TGS1: variants seen among roughly 807,000 people sequenced by gnomAD.
TGS1 encodes the protein trimethylguanosine synthase.
A neutral mutation model predicts 92.2 loss-of-function variants in TGS1; 69 were observed. The observed-to-expected ratio is 0.75, with a 90% CI of 0.62 to 0.91. TGS1 has a LOEUF of 0.91. TGS1 is among the 40% of genes least tolerant of loss of function. TGS1 has a pLI of 0.00. For missense variants in TGS1, 1,062 were observed against 1,001.2 expected (o/e 1.06, Z -0.82); for synonymous variants, 345 against 338.1 (o/e 1.02, Z -0.22).
At chr8:55,815,222 C>G (rs1803443697) in intron 12 of TGS1, among the ~76,000 whole-genome samples, 2 of 152,056 alleles carry the variant, frequency 1.3e-5, no homozygotes, top group Admixed American at 6.6e-5. Flanking sequence ...CAAAAACTTT[C>G]CAGAATTGGA....
chr8:55,781,478 A>G (rs552388244), intron 1 of TGS1, among the ~76,000 whole-genome samples: 4 of 152,330 alleles, frequency 2.6e-5, no homozygotes, highest in African/African-American at 4.8e-5. Context: ...ACACATTTAC[A>G]TATTTGCTCA....
At chr8:55,782,092 A>G (rs1811580554) in intron 1 of TGS1, among the ~76,000 whole-genome samples, 1 of 152,204 alleles carries the variant, frequency 6.6e-6, no homozygotes, top group African/African-American at 2.4e-5. Flanking sequence ...AATTTAGAGA[A>G]CACCCCATTG....
chr8:55,818,438 G>A (rs977988496), intron 12 of TGS1, among the ~76,000 whole-genome samples: 3 of 152,282 alleles, frequency 2.0e-5, no homozygotes, highest in African/African-American at 2.4e-5. Flanking sequence ...CAGCCACCAC[G>A]CCCAGCCTGA....
At chr8:55,793,303 G>A (rs543707528) in intron 6 of TGS1, among the ~76,000 whole-genome samples, 60 of 152,172 alleles carry the variant, frequency 3.9e-4, no homozygotes, top group Non-Finnish European at 6.5e-4. Flanking sequence ...GAGAGGCTGG[G>A]CAATATAGGG....
intron 8 of TGS1, among the ~76,000 whole-genome samples, chr8:55,800,483 T>G (rs1016666595): frequency 2.6e-5 from 4 of 152,236 alleles, no homozygotes; most frequent in African/African-American, 9.6e-5. Flanking sequence ...CCCATTTTCC[T>G]GCACTATCCC....
chr8:55,810,582 A>G (rs1803312274), intron 10 of TGS1, among the ~76,000 whole-genome samples: 1 of 152,212 alleles, frequency 6.6e-6, no homozygotes, highest in South Asian at 2.1e-4. Context: ...GTGGCCACAT[A>G]TTTGGCACTC....
intron 1 of TGS1, among the ~76,000 whole-genome samples, chr8:55,779,623 C>A (rs1472681183): frequency 6.6e-6 from 1 of 152,124 alleles, no homozygotes; most frequent in Non-Finnish European, 1.5e-5. Context: ...ACAGTATGAT[C>A]GGGTACTGAT....
intron 5 of TGS1, 105 bp downstream of exon 5, chr8:55,790,404 AT>A (rs1811847099): frequency 2.7e-6 from 2 of 743,544 alleles, no homozygotes; most frequent in Non-Finnish European, 4.6e-6. Context: ...ACCAGTAATC[AT>A]GTAAGAAGAG....
intron 4 of TGS1, among the ~76,000 whole-genome samples, chr8:55,788,299 T>G (rs1321081116): frequency 6.6e-6 from 1 of 152,206 alleles, no homozygotes; most frequent in Non-Finnish European, 1.5e-5. Context: ...TTTGCTTTGC[T>G]TATCTCAGAT....
rs1008226699 is a variant in TGS1, at chr8:55,773,465, G to C, written c.-154G>C. On this transcript the variant is annotated 5_prime_UTR_variant, in exon 1 of 13. Coordinates refer to ENST00000260129, the MANE Select transcript of TGS1 (RefSeq NM_024831.8). Reference sequence around the variant, plus strand: ...GGAGCCACTTCCGGCGGCAGCGTCCGGGCTAGTTCCCGGCGCGAGCGGCCG... The same window carrying C: ...GGAGCCACTTCCGGCGGCAGCGTCCCGGCTAGTTCCCGGCGCGAGCGGCCG... 2 of 534,940 alleles carry C rather than the reference G, an allele frequency of 3.7e-6. No homozygotes were observed. The highest frequency in any genetic ancestry group is 6.4e-6 in the Non-Finnish European group (2 of 312,346). The allele number at this position is 534,940 out of a possible 1,614,324, so 33.1% of individuals were successfully genotyped here. A position where few individuals can be genotyped will look rare whatever the true frequency, so the allele number is the denominator to read the frequency against.
At chr8:55,821,573 A>G (rs972034912) in intron 12 of TGS1, among the ~76,000 whole-genome samples, 3 of 152,144 alleles carry the variant, frequency 2.0e-5, no homozygotes, top group African/African-American at 7.2e-5. Flanking sequence ...TATGGCTTAT[A>G]TAAGAAATAA....
Position 55,786,902 on chromosome 8 carries a change from A to G in TGS1, c.1004A>G (p.Gln335Arg). The change falls in exon 4 of 13, where the codon CAA becomes CGA. Residue 335 changes from glutamine to arginine, a missense_variant. Coordinates refer to ENST00000260129, the MANE Select transcript of TGS1 (RefSeq NM_024831.8). ...AATTCAGAGGAAGTAACACAGAGCCAATTAGATTCCTGTACAAGTCATGAT... is the reference window on the plus strand; with the variant it reads ...AATTCAGAGGAAGTAACACAGAGCCGATTAGATTCCTGTACAAGTCATGAT... ...KLNSEEVTQS[Q>R]LDSCTSHDGH... 1.2e-6 allele frequency: 2 copies of G among 1,614,186 alleles called. No individual in the cohort carries two copies. Among genetic ancestry groups the G allele is most frequent in the East Asian group, 4.5e-5 (2 of 44,880 alleles).
intron 1 of TGS1, among the ~76,000 whole-genome samples, chr8:55,778,560 T>C (rs1194821594): frequency 6.6e-6 from 1 of 152,208 alleles, no homozygotes; most frequent in Non-Finnish European, 1.5e-5. Context: ...TGATCTCTAG[T>C]CTTTCATATA....
At chr8:55,815,326 T>C (rs1393609723) in intron 12 of TGS1, among the ~76,000 whole-genome samples, 3 of 152,006 alleles carry the variant, frequency 2.0e-5, no homozygotes, top group Non-Finnish European at 4.4e-5. Context: ...AGTGTATTAA[T>C]TTTTTTTGCT....
intron 1 of TGS1, among the ~76,000 whole-genome samples, chr8:55,775,724 G>A (rs1034310136): frequency 6.6e-6 from 1 of 151,754 alleles, no homozygotes. Context: ...TTGATTTGGA[G>A]CGCTGGAGAA....
intron 1 of TGS1, among the ~76,000 whole-genome samples, chr8:55,776,526 G>A (rs544129307): frequency 9.9e-5 from 15 of 152,044 alleles, no homozygotes; most frequent in South Asian, 4.1e-4. Context: ...TGATCCACCC[G>A]CCTTGGCCTC....
intron 6 of TGS1, 118 bp downstream of exon 6, chr8:55,792,902 C>T: frequency 1.5e-6 from 1 of 678,088 alleles, no homozygotes; most frequent in East Asian, 2.7e-5. Context: ...ATCATTAAAT[C>T]ACTTCTTGTT....
chr8:55,776,219 G>A (rs560292385), intron 1 of TGS1, among the ~76,000 whole-genome samples: 4 of 152,070 alleles, frequency 2.6e-5, no homozygotes, highest in African/African-American at 4.8e-5. Flanking sequence ...ACGTGACTGG[G>A]GGCTGCGTAC....
At chr8:55,803,773 C>A (rs1812287742) in intron 9 of TGS1, among the ~76,000 whole-genome samples, 1 of 151,150 alleles carries the variant, frequency 6.6e-6, no homozygotes, top group South Asian at 2.1e-4. Context: ...GGCTCAGCAA[C>A]CTCCACCTCC....
Sources: allele counts gnomAD v4.1 joint callset (sites outside exome capture counted in the v4.1 genomes callset), GRCh38; gene constraint gnomAD v4.1.1; transcripts MANE v1.5; gene names NCBI Gene and HGNC (gene_info 2026-07-23, HGNC 2026-07-21).